LIN7A: variants seen among roughly 807,000 people sequenced by gnomAD.
LIN7A encodes lin-7 cell polarity scaffold A.
Under a neutral mutation model 29.8 loss-of-function variants are expected in LIN7A, and 25 were observed. The observed-to-expected ratio is 0.84, with a 90% CI of 0.61 to 1.17. The LOEUF is 1.17. LIN7A is among the 50% of genes most tolerant of loss of function. The probability of loss-of-function intolerance (pLI) is 0.00; values close to 1 mark genes in which losing one functional copy is unlikely to be tolerated. For missense variants in LIN7A, 239 were observed against 287.0 expected (o/e 0.83, Z 1.21); for synonymous variants, 118 against 107.5 (o/e 1.10, Z -0.60).
At chr12:80,825,328 G>A (rs567078283) in intron 4 of LIN7A, among the ~76,000 whole-genome samples, 2 of 152,340 alleles carry the variant, frequency 1.3e-5, no homozygotes, top group East Asian at 1.9e-4. Context: ...GTGCCATGGG[G>A]CATTATCTCC....
intron 5 of LIN7A, among the ~76,000 whole-genome samples, chr12:80,802,186 C>A (rs1257875807): frequency 6.6e-6 from 1 of 152,168 alleles, no homozygotes; most frequent in Non-Finnish European, 1.5e-5. Flanking sequence ...AGCCACCGCA[C>A]CTGGCCGAGT....
intron 1 of LIN7A, among the ~76,000 whole-genome samples, chr12:80,903,800 C>A (rs1355546081): frequency 6.6e-6 from 1 of 152,012 alleles, no homozygotes; most frequent in East Asian, 1.9e-4. Context: ...AGTTACAGTC[C>A]TATCAACAAT....
chr12:80,929,873 A>G (rs1877798548), intron 1 of LIN7A, among the ~76,000 whole-genome samples: 1 of 152,048 alleles, frequency 6.6e-6, no homozygotes, highest in Admixed American at 6.6e-5. Flanking sequence ...CTCTTCTCCA[A>G]TTTTCCTCAA....
intron 1 of LIN7A, among the ~76,000 whole-genome samples, chr12:80,892,699 A>G (rs550033319): frequency 6.6e-6 from 1 of 152,120 alleles, no homozygotes; most frequent in Non-Finnish European, 1.5e-5. Flanking sequence ...GAGAGGCTTT[A>G]AAAAAACACA....
chr12:80,831,429 T>C (rs146950967), intron 4 of LIN7A, among the ~76,000 whole-genome samples: 1 of 152,152 alleles, frequency 6.6e-6, no homozygotes, highest in African/African-American at 2.4e-5. Flanking sequence ...TAATTGATAA[T>C]GCATCAGGGG....
intron 2 of LIN7A, among the ~76,000 whole-genome samples, chr12:80,871,046 A>G (rs1874405011): frequency 6.6e-6 from 1 of 152,236 alleles, no homozygotes; most frequent in African/African-American, 2.4e-5. Flanking sequence ...AGGTCATAAA[A>G]GTAGTAACTG....
chr12:80,840,798 G>T (rs1324685140), intron 4 of LIN7A, among the ~76,000 whole-genome samples: 1 of 152,114 alleles, frequency 6.6e-6, no homozygotes, highest in African/African-American at 2.4e-5. Context: ...CATAGTCACA[G>T]ACTTAGAAGG....
intron 2 of LIN7A, among the ~76,000 whole-genome samples, chr12:80,887,580 T>C (rs1243096989): frequency 6.6e-6 from 1 of 152,182 alleles, no homozygotes; most frequent in African/African-American, 2.4e-5. Flanking sequence ...CCCCTGATAT[T>C]TCTGTGACTG....
chr12:80,803,777 G>A (rs1417098874), intron 5 of LIN7A, among the ~76,000 whole-genome samples: 1 of 152,154 alleles, frequency 6.6e-6, no homozygotes, highest in African/African-American at 2.4e-5. Flanking sequence ...TGGTAGCCAT[G>A]GAAAGCTAAT....
intron 2 of LIN7A, among the ~76,000 whole-genome samples, chr12:80,873,395 T>C (rs1795500): frequency 0.41 from 61,450 of 151,522 alleles, 14,964 homozygotes; most frequent in African/African-American, 0.68. Context: ...AAGTGGGGCA[T>C]GGTTGCACAA....
chr12:80,883,022 T>C (rs1463721336), intron 2 of LIN7A, among the ~76,000 whole-genome samples: 1 of 152,132 alleles, frequency 6.6e-6, no homozygotes, highest in Non-Finnish European at 1.5e-5. Context: ...CAATAAGCTA[T>C]GATTCAGTAT....
intron 2 of LIN7A, among the ~76,000 whole-genome samples, chr12:80,867,460 G>C (rs4842288): frequency 0.1 from 15,814 of 152,194 alleles, 955 homozygotes; most frequent in East Asian, 0.26. Flanking sequence ...AGAGGTGGGG[G>C]TATAAACCTG....
intron 1 of LIN7A, among the ~76,000 whole-genome samples, chr12:80,905,928 A>G (rs1054486641): frequency 1.7e-4 from 26 of 152,116 alleles, no homozygotes; most frequent in African/African-American, 6.0e-4. Flanking sequence ...TCTAAAGCAT[A>G]TAATCAAATC....
chr12:80,881,095 A>T (rs2120582528), intron 2 of LIN7A, among the ~76,000 whole-genome samples: 1 of 152,236 alleles, frequency 6.6e-6, no homozygotes, highest in Admixed American at 6.5e-5. Flanking sequence ...CAAAAGTTTC[A>T]TGTTAGTGCA....
At chr12:80,846,333 G>A (rs969812659) in intron 3 of LIN7A, among the ~76,000 whole-genome samples, 3 of 152,080 alleles carry the variant, frequency 2.0e-5, no homozygotes, top group African/African-American at 4.8e-5. Flanking sequence ...CAGAGATGGC[G>A]TCTTGCACTC....
chr12:80,921,978 T>G lies in LIN7A; in HGVS notation c.82+15663A>C, dbSNP rs150692856. Among the ~76,000 whole-genome samples, 270 of 152,348 alleles carry G rather than the reference T, an allele frequency of 1.8e-3. 1 individual carries two copies. Among genetic ancestry groups the G allele is most frequent in the African/African-American group, 5.7e-3 (237 of 41,578 alleles). On this transcript the variant is annotated intron_variant, in intron 1 of 5. Coordinates refer to ENST00000552864, the MANE Select transcript of LIN7A (RefSeq NM_004664.4). ...AATAAGTATCTCAGAATTCCTTCAG[T>G]AATGTGCATTAAATTCTACTGCCTT...
intron 1 of LIN7A, among the ~76,000 whole-genome samples, chr12:80,916,592 G>A (rs1877041275): frequency 6.6e-6 from 1 of 152,086 alleles, no homozygotes; most frequent in Non-Finnish European, 1.5e-5. Flanking sequence ...TGTGTCTGTT[G>A]TATTCACTGC....
chr12:80,933,152 G>T (rs906143022), intron 1 of LIN7A, among the ~76,000 whole-genome samples: 1 of 152,190 alleles, frequency 6.6e-6, no homozygotes, highest in Non-Finnish European at 1.5e-5. Flanking sequence ...GTAAATTACA[G>T]TGCTCAGTAT....
At chr12:80,879,917 C>A (rs1202142496) in intron 2 of LIN7A, among the ~76,000 whole-genome samples, 3 of 152,142 alleles carry the variant, frequency 2.0e-5, no homozygotes, top group Non-Finnish European at 2.9e-5. Flanking sequence ...ACCCTTTGTC[C>A]TCAAGTCAAA....
Sources: gnomAD v4.1 joint callset for allele counts (sites outside exome capture counted in the v4.1 genomes callset) on GRCh38, gnomAD v4.1.1 for gene constraint, MANE v1.5 for transcripts, NCBI Gene and HGNC (gene_info 2026-07-23, HGNC 2026-07-21) for gene names.